The following NIPAL2 variants were observed in gnomAD, a reference collection of about 807,000 sequenced individuals.
NIPAL2 encodes NIPA-like protein 2.
In NIPAL2, 43 loss-of-function variants were observed where a neutral mutation model predicts 48.9. The observed-to-expected ratio is 0.88, with a 90% CI of 0.69 to 1.13. The LOEUF (loss-of-function observed/expected upper bound fraction) is 1.13, where lower values mean the gene tolerates loss of function less well. Ranked by LOEUF, NIPAL2 falls within the 50% of genes most tolerant of loss-of-function variation. The probability of loss-of-function intolerance (pLI) is 0.00; values close to 1 mark genes in which losing one functional copy is unlikely to be tolerated. For missense variants in NIPAL2, 446 were observed against 461.4 expected (o/e 0.97, Z 0.31); for synonymous variants, 167 against 174.6 (o/e 0.96, Z 0.34).
At chr8:98,227,572 G>T (rs1812236747) in intron 4 of NIPAL2, among the ~76,000 whole-genome samples, 1 of 152,192 alleles carries the variant, frequency 6.6e-6, no homozygotes, top group Admixed American at 6.5e-5. Context: ...CCTGGAATGG[G>T]GGCCTCAGGA....
chr8:98,203,271 A>G, intron 7 of NIPAL2, 75 bp from the exon 8 acceptor site: 2 of 1,054,870 alleles, frequency 1.9e-6, no homozygotes, highest in Non-Finnish European at 3.0e-6. Context: ...ACTTCAAGAA[A>G]CACGTGTTCT....
intron 1 of NIPAL2, among the ~76,000 whole-genome samples, chr8:98,280,736 C>CCA (rs1554578510): frequency 5.1e-5 from 2 of 39,022 alleles, no homozygotes; most frequent in African/African-American, 1.7e-4. Flanking sequence ...TAGTCCATTA[C>CCA]TATATATATA....
rs1814730527 is a variant in NIPAL2 at position 98,266,280 on chromosome 8, A to C, written c.136-12193T>G. On this transcript the variant is annotated intron_variant, in intron 1 of 10. Transcript: ENST00000430223. ...ACATGTACCCTAAAACTTAAAGTATAATAAAAAAAAAAAGAAAATGAAAAA... is the reference window on the plus strand; with the variant it reads ...ACATGTACCCTAAAACTTAAAGTATCATAAAAAAAAAAAGAAAATGAAAAA... Among the ~76,000 whole-genome samples, 3 of 41,342 alleles carry C rather than the reference A, an allele frequency of 7.3e-5. No homozygotes were observed. In the South Asian group the frequency reaches 3.8e-3, roughly 52 times the overall value. The allele number at this position is 41,342 out of a possible 152,430, so 27.1% of individuals were successfully genotyped here.
At chr8:98,217,288 TG>T in intron 5 of NIPAL2, 5 of 985,426 alleles carry the variant, frequency 5.1e-6, no homozygotes, top group Non-Finnish European at 6.0e-6. Flanking sequence ...GACATCTGTC[TG>T]GGGCACGCAA....
chr8:98,198,370 G>C (rs1347033632), intron 8 of NIPAL2, among the ~76,000 whole-genome samples: 1 of 152,202 alleles, frequency 6.6e-6, no homozygotes, highest in Non-Finnish European at 1.5e-5. Flanking sequence ...TAATTCTTAA[G>C]GGCCCTATGG....
In NIPAL2 at chr8:98,192,283, A is replaced by G. The variant is rs906713719; in HGVS notation, c.*695T>C. ...CTAATCTCTGCATTGTTCCTATTTTAGTACATGGGCTACTGAAACAAGCAG... is the reference window on the plus strand; with the variant it reads ...CTAATCTCTGCATTGTTCCTATTTTGGTACATGGGCTACTGAAACAAGCAG... On this transcript the variant is annotated 3_prime_UTR_variant, in exon 11 of 11. Coordinates refer to ENST00000430223, the MANE Select transcript of NIPAL2 (RefSeq NM_001321635.2). 1 of 152,170 alleles carries G rather than the reference A, an allele frequency of 6.6e-6. No homozygotes were observed. Among genetic ancestry groups the G allele is most frequent in the Non-Finnish European group, 1.5e-5 (1 of 68,028 alleles). 9.4% of individuals were successfully genotyped at this position (152,170 alleles called of 1,614,324 possible).
chr8:98,264,780 C>A (rs1427098786), intron 1 of NIPAL2, among the ~76,000 whole-genome samples: 1 of 151,990 alleles, frequency 6.6e-6, no homozygotes, highest in Non-Finnish European at 1.5e-5. Context: ...GAAAAAACTA[C>A]TTTAAAGTTC....
At chr8:98,287,025 G>A (rs1684944240) in intron 1 of NIPAL2, among the ~76,000 whole-genome samples, 1 of 152,012 alleles carries the variant, frequency 6.6e-6, no homozygotes, top group Non-Finnish European at 1.5e-5. Flanking sequence ...TATGTAAAAT[G>A]TAAGTCTATT....
intron 5 of NIPAL2, among the ~76,000 whole-genome samples, chr8:98,215,138 G>A (rs1811513389): frequency 6.6e-6 from 1 of 152,212 alleles, no homozygotes; most frequent in East Asian, 1.9e-4. Flanking sequence ...CGATTCTCAT[G>A]CTGATTATTA....
chr8:98,261,878 G>A (rs1457772185), intron 1 of NIPAL2, among the ~76,000 whole-genome samples: 2 of 108,530 alleles, frequency 1.8e-5, no homozygotes, highest in Non-Finnish European at 3.7e-5. Flanking sequence ...CAGCCAGAGA[G>A]AAAGGTCGGG....
At chr8:98,272,263 A>T (rs990530877) in intron 1 of NIPAL2, among the ~76,000 whole-genome samples, 2 of 152,002 alleles carry the variant, frequency 1.3e-5, no homozygotes, top group African/African-American at 4.8e-5. Flanking sequence ...CTCTTTTCTT[A>T]CTTCTCTCTG....
intron 10 of NIPAL2, 92 bp from the exon 11 acceptor site, chr8:98,193,182 C>T (rs1460169838): frequency 8.7e-7 from 1 of 1,150,560 alleles, no homozygotes; most frequent in Non-Finnish European, 1.3e-6. Flanking sequence ...CATTTTATCA[C>T]CTCTCTTTTA....
In NIPAL2 at chr8:98,280,736, C is replaced by CTATA. The variant is rs71572005; in HGVS notation, c.135+13263_135+13266dup. Among the ~76,000 whole-genome samples, 201 of 39,004 alleles carry CTATA rather than the reference C, an allele frequency of 5.2e-3. 6 individuals are homozygous for CTATA. The highest frequency in any genetic ancestry group is 0.035 in the South Asian group (31 of 886). The allele number at this position is 39,004 out of a possible 152,430, so 25.6% of individuals were successfully genotyped here. A position where few individuals can be genotyped will look rare whatever the true frequency, so the allele number is the denominator to read the frequency against. The stretch of plus-strand genomic sequence containing the variant: ...CCTCTGACTTTCAAATAGTCCATTA[C>CTATA]TATATATATATATATATATATATAT... On this transcript the variant is annotated intron_variant, in intron 1 of 10. Transcript: ENST00000430223.
chr8:98,203,232 A>C, intron 7 of NIPAL2, 36 bp from the exon 8 acceptor site: 1 of 1,310,194 alleles, frequency 7.6e-7, no homozygotes, highest in South Asian at 1.4e-5. Context: ...CTTTGGCTTT[A>C]GGAGACATTC....
intron 8 of NIPAL2, among the ~76,000 whole-genome samples, chr8:98,201,476 C>G (rs1206256360): frequency 6.6e-6 from 1 of 152,082 alleles, no homozygotes; most frequent in East Asian, 1.9e-4. Flanking sequence ...CCTCGAACTT[C>G]TGGGTTCAAG....
At chr8:98,277,440 G>C (rs187889784) in intron 1 of NIPAL2, among the ~76,000 whole-genome samples, 1 of 152,174 alleles carries the variant, frequency 6.6e-6, no homozygotes, top group Non-Finnish European at 1.5e-5. Context: ...GGGAGGCTGA[G>C]ATGGGAGAAT....
In NIPAL2 at chr8:98,192,406, A is replaced by T. The variant is rs1355085857; in HGVS notation, c.*572T>A. 1 of 152,430 alleles carries T rather than the reference A, an allele frequency of 6.6e-6. No homozygotes were observed. Among genetic ancestry groups the T allele is most frequent in the East Asian group, 1.9e-4 (1 of 5,196 alleles). The allele number at this position is 152,430 out of a possible 1,614,324, so 9.4% of individuals were successfully genotyped here. On this transcript the variant is annotated 3_prime_UTR_variant, in exon 11 of 11. Coordinates refer to ENST00000430223, the MANE Select transcript of NIPAL2 (RefSeq NM_001321635.2). ...ACACTATCACTGAATGCCATTTATA[A>T]ATTCTAATTTTAAAGAGACCCTTAA...
chr8:98,243,920 G>T (rs1813129169), intron 3 of NIPAL2, among the ~76,000 whole-genome samples: 1 of 152,050 alleles, frequency 6.6e-6, no homozygotes, highest in African/African-American at 2.4e-5. Flanking sequence ...AAAGCTTAAT[G>T]GTACATAAGA....
Position 98,287,261 on chromosome 8 carries a change from G to C in NIPAL2, c.135+6742C>G, listed in dbSNP as rs564002722. ...TTGCCACCAAACACCTCTATCAGCT[G>C]TTCCCAGTGCTACACGCACCACCTT... On this transcript the variant is annotated intron_variant, in intron 1 of 10. Coordinates refer to ENST00000430223, the MANE Select transcript of NIPAL2 (RefSeq NM_001321635.2). 2.0e-5 allele frequency among the ~76,000 whole-genome samples: 3 copies of C among 152,308 alleles called. No individual in the cohort carries two copies. The East Asian group carries it at 5.8e-4, about 29-fold the overall frequency.
Sources: gnomAD v4.1 joint callset for allele counts (sites outside exome capture counted in the v4.1 genomes callset) on GRCh38, gnomAD v4.1.1 for gene constraint, MANE v1.5 for transcripts, NCBI Gene and HGNC (gene_info 2026-07-23, HGNC 2026-07-21) for gene names.